Variants in GRAMD1B observed in about 807,000 individuals in gnomAD.
The protein encoded by GRAMD1B is protein Aster-B.
In GRAMD1B, 37 loss-of-function variants were observed where a neutral mutation model predicts 99.7. That is an observed-to-expected ratio of 0.37 (90% CI 0.29 to 0.49). GRAMD1B has a LOEUF of 0.49. Ranked by LOEUF, GRAMD1B falls within the 20% of genes least tolerant of loss-of-function variation. GRAMD1B has a pLI of 0.98. For synonymous variants in GRAMD1B, 427 were observed against 387.6 expected, an observed-to-expected ratio of 1.10 and a Z score of -1.19; for missense variants, 888 against 1,009.2, an observed-to-expected ratio of 0.88 and a Z score of 1.63.
At chr11:123,563,979 C>T (rs749746528) in intron 2 of GRAMD1B, among the ~76,000 whole-genome samples, 2 of 152,280 alleles carry the variant, frequency 1.3e-5, no homozygotes, top group East Asian at 3.9e-4. Flanking sequence ...CGGTATGCTT[C>T]GATTTGAGTT....
At chr11:123,396,059 A>G (rs1947448140) in intron 1 of GRAMD1B, among the ~76,000 whole-genome samples, 1 of 152,032 alleles carries the variant, frequency 6.6e-6, no homozygotes, top group Non-Finnish European at 1.5e-5. Flanking sequence ...CGATGAATGG[A>G]CCCAGCTGTG....
At chr11:123,413,648 A>G (rs1037410375) in intron 1 of GRAMD1B, among the ~76,000 whole-genome samples, 1 of 152,170 alleles carries the variant, frequency 6.6e-6, no homozygotes, top group African/African-American at 2.4e-5. Context: ...CCTTCAACCC[A>G]TAGGTCTTCG....
chr11:123,435,763 A>T (rs1216916911), intron 1 of GRAMD1B: 2 of 321,016 alleles, frequency 6.2e-6, no homozygotes, highest in Non-Finnish European at 1.1e-5. Context: ...TTCCAAAAGG[A>T]GATGAGTACA....
intron 1 of GRAMD1B, among the ~76,000 whole-genome samples, chr11:123,391,618 G>A (rs1442870461): frequency 6.6e-6 from 1 of 152,096 alleles, no homozygotes; most frequent in African/African-American, 2.4e-5. Flanking sequence ...CAGCACGCCT[G>A]GCTAATTTTT....
At chr11:123,476,708 C>T (rs187547703) in intron 1 of GRAMD1B, among the ~76,000 whole-genome samples, 1 of 152,326 alleles carries the variant, frequency 6.6e-6, no homozygotes, top group East Asian at 1.9e-4. Flanking sequence ...TTGTCCTGAT[C>T]ATCTTTACAG....
chr11:123,424,828 A>C (rs1185096295), intron 1 of GRAMD1B, among the ~76,000 whole-genome samples: 1 of 152,196 alleles, frequency 6.6e-6, no homozygotes, highest in Non-Finnish European at 1.5e-5. Context: ...GCTCCAATGC[A>C]CCATGTGTAT....
chr11:123,598,000 A>C, intron 7 of GRAMD1B: 1 of 1,241,382 alleles, frequency 8.1e-7, no homozygotes, highest in Non-Finnish European at 1.2e-6. Flanking sequence ...CAGCATTCCC[A>C]CTTGAGTCTT....
intron 2 of GRAMD1B, among the ~76,000 whole-genome samples, chr11:123,503,345 G>C (rs1940088173): frequency 6.6e-6 from 1 of 152,184 alleles, no homozygotes; most frequent in Non-Finnish European, 1.5e-5. Context: ...GTAAGGGAAG[G>C]AGCTGCATAA....
chr11:123,446,170 A>G (rs1382671128), intron 1 of GRAMD1B, among the ~76,000 whole-genome samples: 1 of 151,762 alleles, frequency 6.6e-6, no homozygotes, highest in East Asian at 1.9e-4. Flanking sequence ...GACTTCTTTT[A>G]TTATTATTTT....
chr11:123,555,556 G>A (rs2135928775), intron 2 of GRAMD1B, among the ~76,000 whole-genome samples: 1 of 151,708 alleles, frequency 6.6e-6, no homozygotes. Context: ...CACCATGTTG[G>A]CCAGGCTGGT....
At chr11:123,424,571 C>T (rs1471683779) in intron 1 of GRAMD1B, among the ~76,000 whole-genome samples, 1 of 152,226 alleles carries the variant, frequency 6.6e-6, no homozygotes, top group Non-Finnish European at 1.5e-5. Flanking sequence ...TATGCTCTGA[C>T]TTATCTTTTC....
chr11:123,562,154 G>T (rs1946842606), intron 2 of GRAMD1B, among the ~76,000 whole-genome samples: 1 of 152,070 alleles, frequency 6.6e-6, no homozygotes, highest in Admixed American at 6.6e-5. Flanking sequence ...TTCAAGACCA[G>T]CCTGGGCAAC....
chr11:123,610,216 G>A lies in GRAMD1B; in HGVS notation c.1797G>A (p.Gln599=), dbSNP rs1424855826. The change falls in exon 14 of 20, where the codon CAG becomes CAA. Residue 599 remains glutamine, a synonymous_variant. Transcript: ENST00000635736. This position sits in a 1 kb window ranked among gnomAD's most constrained non-coding sequence, Gnocchi z 4.1. ...CGCAGACCATGTACAAGGCGAGCCA[G>A]GAGAGTGAATGTTACGTGATAGATG... ...RETQTMYKAS[Q]ESECYVIDAE... is the part of the protein sequence containing the mutation. The A allele has an allele frequency of 6.2e-7, 1 of 1,613,840 alleles. No individual in the cohort carries two copies. Among genetic ancestry groups the A allele is most frequent in the Non-Finnish European group, 8.5e-7 (1 of 1,179,876 alleles).
intron 1 of GRAMD1B, among the ~76,000 whole-genome samples, chr11:123,371,568 C>G (rs1317807547): frequency 6.6e-6 from 1 of 152,182 alleles, no homozygotes. Flanking sequence ...TTCCCCATAC[C>G]TCCACTCCAG....
intron 1 of GRAMD1B, among the ~76,000 whole-genome samples, chr11:123,392,122 C>T (rs189863651): frequency 9.9e-5 from 15 of 152,016 alleles, no homozygotes; most frequent in Non-Finnish European, 1.5e-4. Flanking sequence ...GACAATGACC[C>T]GGAGTTAGGA....
chr11:123,535,258 A>T (rs1319826912), intron 2 of GRAMD1B, among the ~76,000 whole-genome samples: 1 of 151,468 alleles, frequency 6.6e-6, no homozygotes, highest in South Asian at 2.1e-4. Flanking sequence ...AAAAAATCTC[A>T]TACAACCTTA....
chr11:123,560,001 A>C (rs1946538248), intron 2 of GRAMD1B, among the ~76,000 whole-genome samples: 1 of 151,866 alleles, frequency 6.6e-6, no homozygotes, highest in Admixed American at 6.5e-5. Flanking sequence ...GTGGCAGCGA[A>C]GGGAGCAGAG....
intron 1 of GRAMD1B, among the ~76,000 whole-genome samples, chr11:123,460,698 TG>T (rs1950369955): frequency 6.6e-6 from 1 of 152,024 alleles, no homozygotes; most frequent in Non-Finnish European, 1.5e-5. Flanking sequence ...CAGCAGGATT[TG>T]GGGGGCGGAC....
chr11:123,421,160 T>C (rs974542072), intron 1 of GRAMD1B, among the ~76,000 whole-genome samples: 1 of 152,236 alleles, frequency 6.6e-6, no homozygotes, highest in South Asian at 2.1e-4. Context: ...AGGAATCCTG[T>C]TTATGTAAAG....
Sources: allele counts gnomAD v4.1 joint callset (sites outside exome capture counted in the v4.1 genomes callset), GRCh38; gene constraint gnomAD v4.1.1; non-coding constraint Gnocchi (gnomAD v3.1); transcripts MANE v1.5; gene names NCBI Gene and HGNC (gene_info 2026-07-23, HGNC 2026-07-21).